The following BET1 variants were observed in gnomAD, a reference collection of about 807,000 sequenced individuals.
BET1 encodes the protein BET1 homolog.
A neutral mutation model predicts 13.9 loss-of-function variants in BET1; 9 were observed. That is an observed-to-expected ratio of 0.65 (90% CI 0.39 to 1.13). The LOEUF is 1.13. Ranked by LOEUF, BET1 falls within the 50% of genes most tolerant of loss-of-function variation. The pLI is 0.01. For missense variants in BET1, 127 were observed against 133.6 expected, an observed-to-expected ratio of 0.95 and a Z score of 0.24; for synonymous variants, 39 against 47.3, an observed-to-expected ratio of 0.82 and a Z score of 0.72.
At position 93,999,297 on chromosome 7, in the gene BET1, G is replaced by A. The variant is rs1477310576; in HGVS notation, c.20-3C>T. ...GTTGCCAGGAGGTACTCCTTCACCT[G>A]CAAGGATCAGAGTCACAAAGGTGGT... is the stretch of plus-strand genomic sequence containing the variant. On this transcript the variant is annotated splice_region_variant and splice_polypyrimidine_tract_variant and intron_variant, in intron 1 of 3. Coordinates refer to ENST00000222547, the MANE Select transcript of BET1 (RefSeq NM_005868.6). The A allele has an allele frequency of 2.5e-6, 4 of 1,604,582 alleles. No homozygotes were observed. Among genetic ancestry groups the A allele is most frequent in the African/African-American group, 1.3e-5 (1 of 74,672 alleles).
exon 7 of BET1, chr7:93,963,572 T>C (rs1245446010): frequency 6.6e-6 from 1 of 152,104 alleles, no homozygotes; most frequent in Non-Finnish European, 1.5e-5. Context: ...ATGATGGATA[T>C]GTGGCAGCCA....
At chr7:93,966,963 G>A (rs1795183114) in intron 6 of BET1, among the ~76,000 whole-genome samples, 1 of 151,776 alleles carries the variant, frequency 6.6e-6, no homozygotes, top group Non-Finnish European at 1.5e-5. Context: ...TCCATTTTGT[G>A]TGGACATTGT....
At chr7:93,970,798 C>T (rs1236911334) in intron 6 of BET1, among the ~76,000 whole-genome samples, 4 of 151,678 alleles carry the variant, frequency 2.6e-5, no homozygotes, top group African/African-American at 4.8e-5. Context: ...CTTATTAATT[C>T]GATTTGTATT....
At chr7:93,965,983 C>T (rs1041176512) in intron 6 of BET1, among the ~76,000 whole-genome samples, 4 of 151,934 alleles carry the variant, frequency 2.6e-5, no homozygotes, top group East Asian at 1.9e-4. Flanking sequence ...TGACTTCCTC[C>T]GCCACCACTG....
intron 1 of BET1, among the ~76,000 whole-genome samples, chr7:94,003,675 A>C (rs537591973): frequency 7.9e-5 from 12 of 152,190 alleles, no homozygotes; most frequent in Non-Finnish European, 1.3e-4. Context: ...TCAGATTAAG[A>C]AATCGCCTTT....
intron 3 of BET1, among the ~76,000 whole-genome samples, chr7:93,995,736 T>C (rs929906687): frequency 1.3e-5 from 2 of 152,174 alleles, no homozygotes; most frequent in South Asian, 2.1e-4. Context: ...TCAGAGAAGC[T>C]TGACATTCAA....
intron 4 of BET1, among the ~76,000 whole-genome samples, chr7:93,985,889 A>T (rs1262285696): frequency 6.6e-6 from 1 of 152,212 alleles, no homozygotes; most frequent in Non-Finnish European, 1.5e-5. Flanking sequence ...CAAGGCAGAA[A>T]CACACAGCCA....
At chr7:93,989,955 A>G (rs1180586697), downstream of BET1, among the ~76,000 whole-genome samples, 1 of 152,218 alleles carries the variant, frequency 6.6e-6, no homozygotes, top group Non-Finnish European at 1.5e-5. Flanking sequence ...TCCATTAATT[A>G]TGAAAATAAT....
chr7:94,002,728 A>C (rs1394709581), intron 1 of BET1, among the ~76,000 whole-genome samples: 1 of 152,200 alleles, frequency 6.6e-6, no homozygotes, highest in Non-Finnish European at 1.5e-5. Flanking sequence ...TCGCATGCAA[A>C]GATCTCCACA....
intron 4 of BET1, among the ~76,000 whole-genome samples, chr7:93,984,427 G>A (rs767472991): frequency 3.3e-5 from 5 of 152,116 alleles, no homozygotes; most frequent in Admixed American, 6.6e-5. Flanking sequence ...GGACAACTAC[G>A]TCAAACCTTT....
At position 93,994,256 on chromosome 7, in the gene BET1, T is replaced by C; in HGVS notation, c.331A>G (p.Ile111Val). The C allele has an allele frequency of 6.2e-7, 1 of 1,608,056 alleles. No individual in the cohort carries two copies. Residue 111 changes from isoleucine (I) to valine (V), a missense_variant, in exon 4 of 4, where the codon ATT (isoleucine) becomes GTT (valine). Transcript: ENST00000222547. ...MLFSLFVFFI[I>V]YWIIKLR is the part of the protein sequence containing the mutation. ...CACCTCAGTTTAATAATCCAATAAA[T>C]GATAAAAAAGACAAATAAAGAAAAC...
At chr7:93,965,069 C>T (rs995226659) in exon 7 of BET1, 2 of 151,976 alleles carry the variant, frequency 1.3e-5, no homozygotes, top group East Asian at 3.9e-4. Context: ...CTGTTAACAT[C>T]CAGTGAATAT....
At chr7:93,971,792 C>T (rs1156875840) in intron 6 of BET1, among the ~76,000 whole-genome samples, 1 of 151,526 alleles carries the variant, frequency 6.6e-6, no homozygotes, top group Non-Finnish European at 1.5e-5. Context: ...GATATGGATT[C>T]ATTACTAATG....
intron 6 of BET1, among the ~76,000 whole-genome samples, chr7:93,969,157 G>A (rs1348939147): frequency 6.6e-6 from 1 of 151,846 alleles, no homozygotes; most frequent in Non-Finnish European, 1.5e-5. Context: ...CCTTCACTGG[G>A]TGAAAAGTGA....
At chr7:93,988,560 G>A (rs558853622), downstream of BET1, among the ~76,000 whole-genome samples, 157 of 152,152 alleles carry the variant, frequency 1.0e-3, no homozygotes, top group Admixed American at 3.0e-3. Context: ...GTACCAGTAG[G>A]AATTGTTTAA....
chr7:93,976,344 T>TTGTGTGTGTG (rs57913446), intron 4 of BET1, among the ~76,000 whole-genome samples: 106 of 149,116 alleles, frequency 7.1e-4, no homozygotes, highest in African/African-American at 2.4e-3. Context: ...TATCTACTTA[T>TTGTGTGTGTG]TGTGTGTGTG....
chr7:93,972,173 G>A (rs566253008), intron 6 of BET1, among the ~76,000 whole-genome samples: 83 of 151,962 alleles, frequency 5.5e-4, no homozygotes, highest in Non-Finnish European at 1.0e-3. Flanking sequence ...TAGAGTGTGA[G>A]CTGCCATCCA....
chr7:93,979,657 T>G (rs911082434), intron 4 of BET1, among the ~76,000 whole-genome samples: 4 of 151,702 alleles, frequency 2.6e-5, no homozygotes, highest in African/African-American at 9.7e-5. Flanking sequence ...TCGACTCTCT[T>G]TCTCACCATA....
chr7:93,991,554 A>AG (rs1795634536), downstream of BET1: 1 of 155,642 alleles, frequency 6.4e-6, no homozygotes, highest in Non-Finnish European at 1.4e-5. Context: ...CAACACAGAA[A>AG]TAAAAAATTA....
Sources: allele counts gnomAD v4.1 joint callset (sites outside exome capture counted in the v4.1 genomes callset), GRCh38; gene constraint gnomAD v4.1.1; transcripts MANE v1.5; gene names NCBI Gene and HGNC (gene_info 2026-07-23, HGNC 2026-07-21).